Variants in UGT1A10 observed in about 807,000 individuals in gnomAD.
UGT1A10 encodes the protein UDP glucuronosyltransferase family 1 member A10, also known as UDP-glucuronosyltransferase 1A10.
In UGT1A10, 49 loss-of-function variants were observed where a neutral mutation model predicts 45.8. The observed-to-expected ratio is 1.07, with a 90% CI of 0.85 to 1.36. The LOEUF is 1.36. UGT1A10 is among the 40% of genes most tolerant of loss of function. The pLI, the probability that UGT1A10 is intolerant of heterozygous loss-of-function variation, is 0.00. For synonymous variants in UGT1A10, 284 were observed against 249.7 expected, an observed-to-expected ratio of 1.14 and a Z score of -1.29; for missense variants, 745 against 668.6, an observed-to-expected ratio of 1.11 and a Z score of -1.26.
In UGT1A10 at chr2:233,713,193, T is replaced by C. The variant is rs143484996; in HGVS notation, c.856-53841T>C. The C allele has an allele frequency of 2.6e-4, 422 of 1,614,210 alleles. 1 individual carries two copies. Among genetic ancestry groups the C allele is most frequent in the African/African-American group, 1.1e-3 (82 of 75,064 alleles). ...GGTCCTCACCCTGGAGGTGAATATG[T>C]ACATCAAAGAAGAGAACTTTTTCAC... On this transcript the variant is annotated intron_variant, in intron 1 of 4. Coordinates refer to ENST00000344644, the MANE Select transcript of UGT1A10 (RefSeq NM_019075.4).
At chr2:233,727,451 G>A (rs2077618164) in intron 1 of UGT1A10, among the ~76,000 whole-genome samples, 1 of 152,150 alleles carries the variant, frequency 6.6e-6, no homozygotes, top group African/African-American at 2.4e-5. Flanking sequence ...GAAATCAGAT[G>A]ACTTCACTGT....
intron 1 of UGT1A10, chr2:233,713,922 A>G (rs1251047267): frequency 1.2e-6 from 2 of 1,612,068 alleles, no homozygotes; most frequent in Non-Finnish European, 1.7e-6. Flanking sequence ...AAATGTATTT[A>G]CTTACAAGTG....
chr2:233,682,697 C>G lies in UGT1A10; in HGVS notation c.855+45320C>G, dbSNP rs201879946. ...CAGCCACACATCAATTTGGTTGTTG[C>G]GAACTGACTTTGTTTTGGAGTATCC... On this transcript the variant is annotated intron_variant, in intron 1 of 4. Transcript: ENST00000344644. 3 of 1,613,832 alleles carry G rather than the reference C, an allele frequency of 1.9e-6. No homozygotes were observed. In the South Asian group the frequency reaches 3.3e-5, roughly 18 times the overall value.
At chr2:233,720,033 T>G (rs13401281) in intron 1 of UGT1A10, among the ~76,000 whole-genome samples, 61,071 of 151,978 alleles carry the variant, frequency 0.4, 13,005 homozygotes, top group African/African-American at 0.54. Context: ...TTTGCTTGCC[T>G]GATTTTCAGC....
At chr2:233,720,268 C>T (rs1303323026) in intron 1 of UGT1A10, among the ~76,000 whole-genome samples, 2 of 152,036 alleles carry the variant, frequency 1.3e-5, no homozygotes, top group East Asian at 3.9e-4. Context: ...GGGATCTGTC[C>T]TGAGAAAAGT....
At chr2:233,693,720 G>A (rs1269709874) in intron 1 of UGT1A10, 1 of 1,614,108 alleles carries the variant, frequency 6.2e-7, no homozygotes, top group Non-Finnish European at 8.5e-7. Flanking sequence ...GTCCTCAAGA[G>A]AGATGTGGAT....
At chr2:233,726,769 C>T (rs751538762) in intron 1 of UGT1A10, among the ~76,000 whole-genome samples, 7 of 152,200 alleles carry the variant, frequency 4.6e-5, no homozygotes, top group Non-Finnish European at 8.8e-5. Context: ...AGACACTAAG[C>T]TTAAAGTGAA....
chr2:233,708,329 G>A (rs537041320), intron 1 of UGT1A10: 6 of 152,052 alleles, frequency 3.9e-5, no homozygotes, highest in African/African-American at 1.4e-4. Context: ...AATATCTCAA[G>A]GTTATTTGAA....
At chr2:233,729,770 T>C in intron 1 of UGT1A10, 1 of 1,613,988 alleles carries the variant, frequency 6.2e-7, no homozygotes, top group South Asian at 1.1e-5. Flanking sequence ...AAGAACATGC[T>C]CTACCCTCTG....
intron 1 of UGT1A10, chr2:233,713,512 G>A (rs1272104419): frequency 4.3e-6 from 7 of 1,613,772 alleles, no homozygotes; most frequent in Non-Finnish European, 5.9e-6. Flanking sequence ...TTTTTCTTGA[G>A]GAACATTCCA....
Position 233,691,334 on chromosome 2 carries a change from T to A in UGT1A10, c.855+53957T>A, listed in dbSNP as rs1046553363. 5 of 985,462 alleles carry A rather than the reference T, an allele frequency of 5.1e-6. No individual in the cohort carries two copies. The African/African-American group carries it at 8.7e-5, about 17-fold the overall frequency. 61.0% of individuals were successfully genotyped at this position (985,462 alleles called of 1,614,324 possible). On this transcript the variant is annotated intron_variant, in intron 1 of 4. Transcript: ENST00000344644. ...AGGCTGCTCCCAGCTTGGACTGAGC[T>A]GAGTCTTCGCATGCCTTGAACAATG...
At chr2:233,682,511 A>G in intron 1 of UGT1A10, 1 of 1,613,916 alleles carries the variant, frequency 6.2e-7, no homozygotes. Context: ...CTATGTCCCC[A>G]GACTTCTCTT....
At chr2:233,742,842 A>G (rs1167043204) in intron 1 of UGT1A10, 1 of 158,994 alleles carries the variant, frequency 6.3e-6, no homozygotes, top group Non-Finnish European at 1.4e-5. Flanking sequence ...TACACACTAA[A>G]CAATAAAGTC....
intron 1 of UGT1A10, among the ~76,000 whole-genome samples, chr2:233,710,740 G>T (rs1041817695): frequency 2.0e-5 from 3 of 152,172 alleles, no homozygotes; most frequent in African/African-American, 7.2e-5. Context: ...GTCTTTCAAG[G>T]AGCAAAAGTT....
intron 1 of UGT1A10, among the ~76,000 whole-genome samples, chr2:233,695,045 A>G (rs2075255469): frequency 6.6e-6 from 1 of 152,000 alleles, no homozygotes; most frequent in African/African-American, 2.4e-5. Context: ...TGTTAACCAT[A>G]GTCACCCTAC....
At chr2:233,680,812 T>A (rs2074499392) in intron 1 of UGT1A10, among the ~76,000 whole-genome samples, 1 of 152,072 alleles carries the variant, frequency 6.6e-6, no homozygotes, top group Admixed American at 6.5e-5. Flanking sequence ...GGCCTGCAGC[T>A]CTGTTCAGAA....
Position 233,636,755 on chromosome 2 carries a change from C to G in UGT1A10, c.233C>G (p.Ser78Ter), listed in dbSNP as rs765888404. ...CTGAATTGCACAGTGAAGACTTACT[C>G]AACCTCGTACACTCTGGAAGATCAG... The part of the protein sequence containing the change: ...RSLNCTVKTY[S>*]TSYTLEDQNR... Residue 78 changes from serine (S) to a stop codon, truncating the protein, a stop_gained, in exon 1 of 5, where the codon TCA (serine) becomes TGA (stop). Transcript: ENST00000344644. LOFTEE classifies it high-confidence loss of function. 9.9e-6 allele frequency: 16 copies of G among 1,614,174 alleles called. No individual in the cohort carries two copies. The highest frequency in any genetic ancestry group is 1.4e-5 in the Non-Finnish European group (16 of 1,180,020).
rs758873309 is a variant in UGT1A10 at position 233,767,044 on chromosome 2, C to G, written c.866C>G (p.Ala289Gly). The G allele has an allele frequency of 6.2e-7, 1 of 1,613,874 alleles. No homozygotes were observed. Among genetic ancestry groups the G allele is most frequent in the African/African-American group, 1.3e-5 (1 of 74,880 alleles). ...QGKPLPMEFE[A>G]YINASGEHGI... is the part of the protein sequence containing the mutation. ...TTCTTCTGGCTCTAGGAATTTGAAG[C>G]CTACATTAATGCTTCTGGAGAACAT... The change falls in exon 2 of 5, where the codon GCC becomes GGC. Residue 289 changes from alanine to glycine, a missense_variant. Ala to Gly is a moderately conservative substitution (Grantham distance 60). Coordinates refer to ENST00000344644, the MANE Select transcript of UGT1A10 (RefSeq NM_019075.4).
At chr2:233,767,701 T>C in intron 2 of UGT1A10, 148 bp from the exon 3 acceptor site, 1 of 1,506,270 alleles carries the variant, frequency 6.6e-7, no homozygotes, top group Admixed American at 2.1e-5. Flanking sequence ...AAGTTGCCAG[T>C]CCTCAGAAGC....
Sources: gnomAD v4.1 joint callset for allele counts (sites outside exome capture counted in the v4.1 genomes callset) on GRCh38, gnomAD v4.1.1 for gene constraint, MANE v1.5 for transcripts, NCBI Gene and HGNC (gene_info 2026-07-23, HGNC 2026-07-21) for gene names.